SIAH2: variants seen among roughly 807,000 people sequenced by gnomAD.
SIAH2 encodes E3 ubiquitin-protein ligase SIAH2.
A neutral mutation model predicts 20.4 loss-of-function variants in SIAH2; 4 were observed. The ratio of observed to expected loss-of-function variants is 0.20; its 90% CI spans 0.10 to 0.45. SIAH2 has a LOEUF of 0.45. Ranked by LOEUF, SIAH2 falls within the 20% of genes least tolerant of loss-of-function variation. The pLI, the probability that SIAH2 is intolerant of heterozygous loss-of-function variation, is 0.99. For synonymous variants in SIAH2, 171 were observed against 192.5 expected, an observed-to-expected ratio of 0.89 and a Z score of 0.93; for missense variants, 259 against 440.3, an observed-to-expected ratio of 0.59 and a Z score of 3.69.
rs1714659045 is a variant in SIAH2 at position 150,762,884 on chromosome 3, T to A, written c.-35A>T. 8.6e-7 allele frequency: 1 copy of A among 1,166,408 alleles called. No homozygotes were observed. Among genetic ancestry groups the A allele is most frequent in the African/African-American group, 1.6e-5 (1 of 61,152 alleles). 72.3% of individuals were successfully genotyped at this position (1,166,408 alleles called of 1,614,324 possible). Reference sequence around the variant, plus strand: ...AACCAACCATGGAACTGCGGGCGCCTGCCTGCCGCGGGGCCGCCCGGGTCA... The same window carrying A: ...AACCAACCATGGAACTGCGGGCGCCAGCCTGCCGCGGGGCCGCCCGGGTCA... On this transcript the variant is annotated 5_prime_UTR_variant, in exon 1 of 2. Coordinates refer to ENST00000312960, the MANE Select transcript of SIAH2 (RefSeq NM_005067.7). The surrounding 1 kb of genome is among the most constrained non-coding windows in gnomAD (Gnocchi z 6.6).
chr3:150,756,088 G>A (rs1714480569), intron 1 of SIAH2, among the ~76,000 whole-genome samples: 1 of 152,172 alleles, frequency 6.6e-6, no homozygotes. Flanking sequence ...GAAAACAACA[G>A]TTTTGCAATC....
chr3:150,762,679 G>A lies in SIAH2; in HGVS notation c.171C>T (p.Gly57=). Residue 57 remains glycine (G), a synonymous_variant, in exon 1 of 2, where the codon GGC becomes GGT. Coordinates refer to ENST00000312960, the MANE Select transcript of SIAH2 (RefSeq NM_005067.7). The surrounding 1 kb of genome is among the most constrained non-coding windows in gnomAD (Gnocchi z 6.6). The part of the protein sequence containing the change: ...AVPAAAAVIS[G]PGGGGGAGPV... ...GGCCGGCCCCGCCGCCGCCGCCGGG[G>A]CCCGAGATCACCGCCGCCGCGGCGG... is the stretch of plus-strand genomic sequence containing the variant. The A allele has an allele frequency of 7.1e-7, 1 of 1,398,778 alleles. No homozygotes were observed. Among genetic ancestry groups the A allele is most frequent in the Non-Finnish European group, 9.3e-7 (1 of 1,075,188 alleles). The allele number at this position is 1,398,778 out of a possible 1,614,324, so 86.6% of individuals were successfully genotyped here.
chr3:150,743,231 G>A (rs978210378), intron 1 of SIAH2, among the ~76,000 whole-genome samples: 1 of 152,258 alleles, frequency 6.6e-6, no homozygotes, highest in Non-Finnish European at 1.5e-5. Flanking sequence ...CTGCCCTTTG[G>A]TTCCTTGCTC....
Position 150,742,701 on chromosome 3 carries a change from G to T in SIAH2, c.418-3C>A. 6.6e-7 allele frequency: 1 copy of T among 1,522,420 alleles called. No individual in the cohort carries two copies. Among genetic ancestry groups the T allele is most frequent in the Non-Finnish European group, 8.8e-7 (1 of 1,135,670 alleles). 94.3% of individuals were successfully genotyped at this position (1,522,420 alleles called of 1,614,324 possible). A position where few individuals can be genotyped will look rare whatever the true frequency, so the allele number is the denominator to read the frequency against. ...AGGGAACAGCCCGTGGTGGCATACTGCAAAGAAAGAAATGCATTGAGCCAT... is the reference window on the plus strand; with the variant it reads ...AGGGAACAGCCCGTGGTGGCATACTTCAAAGAAAGAAATGCATTGAGCCAT... On this transcript the variant is annotated splice_region_variant and splice_polypyrimidine_tract_variant and intron_variant, in intron 1 of 1. Transcript: ENST00000312960. The surrounding 1 kb of genome is among the most constrained non-coding windows in gnomAD (Gnocchi z 4.8).
intron 1 of SIAH2, among the ~76,000 whole-genome samples, chr3:150,745,474 C>T (rs1338318695): frequency 6.6e-6 from 1 of 152,038 alleles, no homozygotes; most frequent in Non-Finnish European, 1.5e-5. Context: ...CTCACTGGCC[C>T]CTGGCCTTGG....
At chr3:150,757,220 T>C (rs1714502156) in intron 1 of SIAH2, among the ~76,000 whole-genome samples, 1 of 152,164 alleles carries the variant, frequency 6.6e-6, no homozygotes, top group African/African-American at 2.4e-5. Flanking sequence ...GGTCTTCTGT[T>C]TCCTGGCTCA....
intron 1 of SIAH2, among the ~76,000 whole-genome samples, chr3:150,756,734 G>T (rs187713221): frequency 1.4e-4 from 21 of 152,256 alleles, no homozygotes; most frequent in Admixed American, 1.4e-3. Context: ...TAATGCTTCT[G>T]CTTTATACAA....
chr3:150,762,838 C>T lies in SIAH2; in HGVS notation c.12G>A (p.Pro4=), dbSNP rs916960903. 3.3e-6 allele frequency: 4 copies of T among 1,213,404 alleles called. No homozygotes were observed. The highest frequency in any genetic ancestry group is 4.2e-6 in the Non-Finnish European group (4 of 962,154). The allele number at this position is 1,213,404 out of a possible 1,614,324, so 75.2% of individuals were successfully genotyped here. A position where few individuals can be genotyped will look rare whatever the true frequency, so the allele number is the denominator to read the frequency against. The change falls in exon 1 of 2, where the codon CCG becomes CCA. Residue 4 remains proline, a synonymous_variant. Transcript: ENST00000312960. The surrounding 1 kb of genome is among the most constrained non-coding windows in gnomAD (Gnocchi z 6.6). MSR[P]SSTGPSANKP... ...TATTAGCGCTGGGGCCGGTGGAGGA[C>T]GGGCGGCTCATCGCGCTCCGAACCA...
At chr3:150,757,815 C>T (rs1302812962) in intron 1 of SIAH2, among the ~76,000 whole-genome samples, 1 of 151,542 alleles carries the variant, frequency 6.6e-6, no homozygotes, top group Non-Finnish European at 1.5e-5. Context: ...GATGACATCT[C>T]TTAAAGGAAA....
At chr3:150,757,658 T>A (rs577299597) in intron 1 of SIAH2, among the ~76,000 whole-genome samples, 9 of 151,626 alleles carry the variant, frequency 5.9e-5, no homozygotes, top group Non-Finnish European at 1.0e-4. Context: ...CAGCCAATGC[T>A]AGAAAAAAAA....
chr3:150,756,626 C>G (rs1714489616), intron 1 of SIAH2, among the ~76,000 whole-genome samples: 1 of 152,214 alleles, frequency 6.6e-6, no homozygotes, highest in Admixed American at 6.5e-5. Context: ...TCACTGATAA[C>G]TATTTACTCT....
Position 150,762,458 on chromosome 3 carries a change from G to A in SIAH2, c.392C>T (p.Ala131Val). 6.2e-7 allele frequency: 1 copy of A among 1,613,214 alleles called. No homozygotes were observed. Among genetic ancestry groups the A allele is most frequent in the Non-Finnish European group, 8.5e-7 (1 of 1,179,766 alleles). ...SIRNLAMEKV[A>V]SAVLFPCKYA... is the part of the protein sequence containing the mutation. Reference sequence around the variant, plus strand: ...CTTACAGGGAAACAGGACTGCCGAGGCCACCTTCTCCATAGCCAGGTTCCT... The same window carrying A: ...CTTACAGGGAAACAGGACTGCCGAGACCACCTTCTCCATAGCCAGGTTCCT... The change falls in exon 1 of 2, where the codon GCC (alanine) becomes GTC (valine). Residue 131 changes from alanine to valine, a missense_variant. Physicochemically the swap from Ala to Val is moderately conservative, Grantham distance 64 (BLOSUM62 0). Coordinates refer to ENST00000312960, the MANE Select transcript of SIAH2 (RefSeq NM_005067.7). The surrounding 1 kb of genome is among the most constrained non-coding windows in gnomAD (Gnocchi z 6.6).
At chr3:150,758,736 AT>A (rs1249931879) in intron 1 of SIAH2, among the ~76,000 whole-genome samples, 9,599 of 108,834 alleles carry the variant, frequency 0.088, 745 homozygotes, top group East Asian at 0.38. Context: ...ACACCTGGCT[AT>A]TTTTTTTTTT....
At chr3:150,756,617 C>T (rs1433841977) in intron 1 of SIAH2, among the ~76,000 whole-genome samples, 5 of 152,198 alleles carry the variant, frequency 3.3e-5, no homozygotes, top group Non-Finnish European at 7.3e-5. Flanking sequence ...GCTCAACTTT[C>T]ACTGATAACT....
chr3:150,756,880 G>C (rs1196909044), intron 1 of SIAH2, among the ~76,000 whole-genome samples: 3 of 152,224 alleles, frequency 2.0e-5, no homozygotes, highest in African/African-American at 4.8e-5. Flanking sequence ...ATGTCAGGCA[G>C]TAGTGAGGAC....
rs781547732 is a variant in SIAH2 at position 150,762,782 on chromosome 3, G to A, written c.68C>T (p.Pro23Leu). 1.6e-6 allele frequency: 2 copies of A among 1,215,296 alleles called. No individual in the cohort carries two copies. Among genetic ancestry groups the A allele is most frequent in the Non-Finnish European group, 2.1e-6 (2 of 965,464 alleles). The allele number at this position is 1,215,296 out of a possible 1,614,324, so 75.3% of individuals were successfully genotyped here. A position where few individuals can be genotyped will look rare whatever the true frequency, so the allele number is the denominator to read the frequency against. Residue 23 changes from proline to leucine, a missense_variant, in exon 1 of 2, where the codon CCC becomes CTC. By Grantham distance (98) the Pro-to-Leu change is moderately conservative. Transcript: ENST00000312960. The surrounding 1 kb of genome is among the most constrained non-coding windows in gnomAD (Gnocchi z 6.6). ...CGCAGCCGGGGACGGAGTGTGCTGG[G>A]GCTGCGGCGGCGGCTGCTTGCTGCA... ...KPCSKQPPPQ[P>L]QHTPSPAAPP...
chr3:150,748,030 A>C (rs1371167583), intron 1 of SIAH2, among the ~76,000 whole-genome samples: 4 of 151,670 alleles, frequency 2.6e-5, no homozygotes, highest in Non-Finnish European at 5.9e-5. Flanking sequence ...AAACAAAGAG[A>C]TGTTGAAATC....
At chr3:150,752,196 C>T (rs1417091522) in intron 1 of SIAH2, among the ~76,000 whole-genome samples, 4 of 152,216 alleles carry the variant, frequency 2.6e-5, no homozygotes, top group Non-Finnish European at 4.4e-5. Flanking sequence ...CAGGTTCCCA[C>T]CTGCACAACC....
Position 150,762,377 on chromosome 3 carries a change from G to C in SIAH2, c.417+56C>G, listed in dbSNP as rs2108128176. The stretch of plus-strand genomic sequence containing the variant: ...CTCCGGGCCTGCGAGTGGGCTGGCG[G>C]ATACCGGAGTCCCTGAGGTCACCGG... On this transcript the variant is annotated intron_variant, in intron 1 of 1. Transcript: ENST00000312960. This position sits in a 1 kb window ranked among gnomAD's most constrained non-coding sequence, Gnocchi z 6.6. The C allele has an allele frequency of 6.4e-7, 1 of 1,559,492 alleles. No individual in the cohort carries two copies. The highest frequency in any genetic ancestry group is 1.2e-5 in the South Asian group (1 of 85,716).
Sources: allele counts gnomAD v4.1 joint callset (sites outside exome capture counted in the v4.1 genomes callset), GRCh38; gene constraint gnomAD v4.1.1; non-coding constraint Gnocchi (gnomAD v3.1); transcripts MANE v1.5; gene names NCBI Gene and HGNC (gene_info 2026-07-23, HGNC 2026-07-21).